The following TTC29 variants were observed in gnomAD, a reference collection of about 807,000 sequenced individuals.
TTC29 encodes tetratricopeptide repeat domain 29.
Under a neutral mutation model 58.1 loss-of-function variants are expected in TTC29, and 49 were observed. The ratio of observed to expected loss-of-function variants is 0.84; its 90% CI spans 0.67 to 1.07. The LOEUF (loss-of-function observed/expected upper bound fraction) is 1.07. Ranked by LOEUF, TTC29 falls within the 50% of genes least tolerant of loss-of-function variation. TTC29 has a pLI of 0.00. For synonymous variants in TTC29, 209 were observed against 196.8 expected (o/e 1.06, Z -0.52); for missense variants, 582 against 555.6 (o/e 1.05, Z -0.48).
At chr4:146,931,270 T>C (rs1735318881) in intron 4 of TTC29, among the ~76,000 whole-genome samples, 1 of 152,134 alleles carries the variant, frequency 6.6e-6, no homozygotes, top group African/African-American at 2.4e-5. Context: ...AAAATGATAC[T>C]TAGTACGAAG....
chr4:146,897,549 T>G, intron 6 of TTC29, among the ~76,000 whole-genome samples: 1 of 152,196 alleles, frequency 6.6e-6, no homozygotes. Context: ...CTGCTGATCA[T>G]GCAGGGGAGG....
At chr4:146,925,394 A>G (rs1560724687) in intron 4 of TTC29, among the ~76,000 whole-genome samples, 1 of 152,138 alleles carries the variant, frequency 6.6e-6, no homozygotes, top group Non-Finnish European at 1.5e-5. Flanking sequence ...AAGCACAAAC[A>G]TTTAGGCTTA....
intron 11 of TTC29, among the ~76,000 whole-genome samples, chr4:146,717,451 T>C (rs1743020822): frequency 6.6e-6 from 1 of 152,082 alleles, no homozygotes; most frequent in Admixed American, 6.6e-5. Context: ...CTAATTTTTG[T>C]ATTTTTAGTA....
intron 10 of TTC29, among the ~76,000 whole-genome samples, chr4:146,809,239 A>C (rs2150126210): frequency 6.7e-6 from 1 of 150,260 alleles, no homozygotes; most frequent in African/African-American, 2.4e-5. Context: ...AATTAACTCA[A>C]GATGGATTAA....
chr4:146,827,162 G>A (rs1727865433), intron 9 of TTC29, among the ~76,000 whole-genome samples: 1 of 152,002 alleles, frequency 6.6e-6, no homozygotes, highest in Admixed American at 6.6e-5. Context: ...CTGGAGGGAG[G>A]GGGCTCCCCT....
chr4:146,920,029 C>T (rs776700198), intron 4 of TTC29, among the ~76,000 whole-genome samples: 31 of 151,028 alleles, frequency 2.1e-4, no homozygotes, highest in Non-Finnish European at 3.7e-4. Flanking sequence ...TTTGCACCTT[C>T]CCATTAAAAA....
intron 7 of TTC29, 51 bp downstream of exon 7, chr4:146,874,663 AAC>A: frequency 7.2e-7 from 1 of 1,389,630 alleles, no homozygotes; most frequent in South Asian, 1.2e-5. Flanking sequence ...TCTTGGGAGA[AAC>A]AGTGTCTACC....
intron 8 of TTC29, among the ~76,000 whole-genome samples, chr4:146,834,402 T>C (rs2150158866): frequency 1.3e-5 from 2 of 152,312 alleles, no homozygotes; most frequent in Middle Eastern, 3.4e-3. Flanking sequence ...ACACTAAAAA[T>C]ATTTCTTACA....
chr4:146,886,429 A>G (rs1364263376), intron 6 of TTC29, among the ~76,000 whole-genome samples: 1 of 152,102 alleles, frequency 6.6e-6, no homozygotes, highest in Non-Finnish European at 1.5e-5. Context: ...TTAAAAAACC[A>G]TCCTTTATAA....
At chr4:146,887,958 G>A (rs1302044114) in intron 6 of TTC29, among the ~76,000 whole-genome samples, 1 of 151,986 alleles carries the variant, frequency 6.6e-6, no homozygotes, top group African/African-American at 2.4e-5. Context: ...AAGCAGAAAA[G>A]CCTTCATGCT....
chr4:146,793,466 T>C (rs1749615939), intron 11 of TTC29, among the ~76,000 whole-genome samples: 1 of 152,112 alleles, frequency 6.6e-6, no homozygotes, highest in Non-Finnish European at 1.5e-5. Flanking sequence ...GTATTCTTAA[T>C]AAAGGTATGT....
At chr4:146,928,818 C>T (rs1434719856) in intron 4 of TTC29, among the ~76,000 whole-genome samples, 9 of 152,142 alleles carry the variant, frequency 5.9e-5, no homozygotes, top group Non-Finnish European at 1.0e-4. Flanking sequence ...ATCTACAGAG[C>T]ACAACAGCCT....
chr4:146,746,213 T>TA lies in TTC29; in HGVS notation c.1331-38663dup, dbSNP rs969437660. Among the ~76,000 whole-genome samples the TA allele has an allele frequency of 6.0e-4, 91 of 151,012 alleles. 1 individual carries two copies. The highest frequency in any genetic ancestry group is 1.7e-3 in the South Asian group (8 of 4,738). ...AGTAGTCACAGCATTATTACAAACT[T>TA]AAAAAAAAAGATATCAAAGGGCATG... On this transcript the variant is annotated intron_variant, in intron 11 of 12. Coordinates refer to ENST00000325106, the MANE Select transcript of TTC29 (RefSeq NM_031956.4).
chr4:146,730,164 A>G (rs921739146), intron 11 of TTC29, among the ~76,000 whole-genome samples: 7 of 152,162 alleles, frequency 4.6e-5, no homozygotes, highest in Admixed American at 2.0e-4. Context: ...ATATTTTTCC[A>G]TATCTTGTAT....
intron 8 of TTC29, among the ~76,000 whole-genome samples, chr4:146,852,070 G>A (rs1034661457): frequency 6.6e-6 from 1 of 152,092 alleles, no homozygotes; most frequent in African/African-American, 2.4e-5. Flanking sequence ...CGAGTAGCTG[G>A]GACTACAGGG....
At chr4:146,708,372 G>T (rs1023695434) in intron 11 of TTC29, among the ~76,000 whole-genome samples, 1 of 124,408 alleles carries the variant, frequency 8.0e-6, no homozygotes, top group African/African-American at 3.4e-5. Context: ...GTATGTGTGT[G>T]TATATATATA....
At chr4:146,763,345 T>G (rs1747049706) in intron 11 of TTC29, among the ~76,000 whole-genome samples, 1 of 152,090 alleles carries the variant, frequency 6.6e-6, no homozygotes, top group Admixed American at 6.6e-5. Context: ...GACTTTCCCA[T>G]TCTCTCCTAT....
At chr4:146,877,608 T>C (rs1341886689) in intron 6 of TTC29, among the ~76,000 whole-genome samples, 1 of 152,158 alleles carries the variant, frequency 6.6e-6, no homozygotes, top group African/African-American at 2.4e-5. Flanking sequence ...TTATATTTCC[T>C]CTGTTAACTA....
At chr4:146,768,052 A>G (rs967692340) in intron 11 of TTC29, among the ~76,000 whole-genome samples, 75 of 152,150 alleles carry the variant, frequency 4.9e-4, no homozygotes, top group African/African-American at 1.7e-3. Context: ...TCCAGTTTAT[A>G]TCAATAGTTG....
Sources: gnomAD v4.1 joint callset for allele counts (sites outside exome capture counted in the v4.1 genomes callset) on GRCh38, gnomAD v4.1.1 for gene constraint, MANE v1.5 for transcripts, NCBI Gene and HGNC (gene_info 2026-07-23, HGNC 2026-07-21) for gene names.